The following RARB variants were observed in gnomAD, a reference collection of about 807,000 sequenced individuals.
The protein encoded by RARB is HBV-activated protein.
In RARB, 17 loss-of-function variants were observed where a neutral mutation model predicts 51.9. The ratio of observed to expected loss-of-function variants is 0.33; its 90% CI spans 0.22 to 0.49. RARB has a LOEUF of 0.49. RARB is among the 20% of genes least tolerant of loss of function. The pLI is 0.99. For missense variants in RARB, 369 were observed against 550.8 expected, an observed-to-expected ratio of 0.67 and a Z score of 3.30; for synonymous variants, 215 against 195.4, an observed-to-expected ratio of 1.10 and a Z score of -0.84.
chr3:25,484,711 G>C (rs2125585496), intron 2 of RARB, among the ~76,000 whole-genome samples: 1 of 152,256 alleles, frequency 6.6e-6, no homozygotes, highest in East Asian at 1.9e-4. Flanking sequence ...TGGTAGAGTT[G>C]AGTATTTGCA....
intron 2 of RARB, among the ~76,000 whole-genome samples, chr3:24,884,086 C>A (rs192259768): frequency 2.4e-4 from 36 of 152,226 alleles, no homozygotes; most frequent in South Asian, 6.2e-4. Context: ...TCATTTACAG[C>A]AAGCCACATA....
intron 2 of RARB, among the ~76,000 whole-genome samples, chr3:25,490,119 T>C (rs888789893): frequency 1.3e-5 from 2 of 152,234 alleles, no homozygotes; most frequent in African/African-American, 4.8e-5. Flanking sequence ...TGTAAATGCC[T>C]GACTAGCTTT....
chr3:25,110,518 A>T (rs779358551), intron 3 of RARB, among the ~76,000 whole-genome samples: 6 of 152,198 alleles, frequency 3.9e-5, no homozygotes, highest in Non-Finnish European at 7.3e-5. Flanking sequence ...ATTTTAGAGC[A>T]AATTTTGTTT....
intron 3 of RARB, among the ~76,000 whole-genome samples, chr3:25,101,037 G>A (rs1193512501): frequency 6.6e-6 from 1 of 152,148 alleles, no homozygotes; most frequent in Admixed American, 6.6e-5. Context: ...AGGGGTAGTT[G>A]GAGGTGATTA....
At chr3:25,403,160 C>CAAA (rs532977113) in intron 5 of RARB, among the ~76,000 whole-genome samples, 8,993 of 86,154 alleles carry the variant, frequency 0.1, 428 homozygotes, top group African/African-American at 0.18. Flanking sequence ...GACTGCATCT[C>CAAA]AAAAAAAAAA....
chr3:25,057,484 A>G (rs1357451281), intron 2 of RARB, among the ~76,000 whole-genome samples: 3 of 152,088 alleles, frequency 2.0e-5, no homozygotes, highest in Non-Finnish European at 4.4e-5. Flanking sequence ...AAAAATAGAT[A>G]GAAAAATAAA....
intron 3 of RARB, among the ~76,000 whole-genome samples, chr3:25,120,117 G>C (rs1033984702): frequency 1.3e-5 from 2 of 152,118 alleles, no homozygotes; most frequent in African/African-American, 4.8e-5. Flanking sequence ...TGAAGGACTT[G>C]TGGTCTCAAT....
intron 5 of RARB, among the ~76,000 whole-genome samples, chr3:25,182,548 C>T (rs1013112173): frequency 1.3e-5 from 2 of 152,140 alleles, no homozygotes; most frequent in Non-Finnish European, 2.9e-5. Flanking sequence ...AATGAATTCA[C>T]TCTTCTGATA....
chr3:24,987,229 A>G (rs1412148937), intron 2 of RARB, among the ~76,000 whole-genome samples: 1 of 134,746 alleles, frequency 7.4e-6, no homozygotes, highest in Non-Finnish European at 1.6e-5. Flanking sequence ...TTCAATCTGT[A>G]TTTCAAAATC....
intron 2 of RARB, among the ~76,000 whole-genome samples, chr3:25,021,582 T>A (rs971455416): frequency 5.9e-5 from 9 of 152,142 alleles, no homozygotes; most frequent in African/African-American, 2.2e-4. Flanking sequence ...ATACCTAGTT[T>A]ATTGCAACCA....
intron 3 of RARB, among the ~76,000 whole-genome samples, chr3:25,543,116 G>A (rs1451617527): frequency 6.6e-6 from 1 of 152,146 alleles, no homozygotes; most frequent in Non-Finnish European, 1.5e-5. Context: ...TAAACCTCCT[G>A]CCAAGGGCCT....
intron 5 of RARB, among the ~76,000 whole-genome samples, chr3:25,204,908 G>C (rs1466227479): frequency 6.6e-6 from 1 of 152,186 alleles, no homozygotes; most frequent in African/African-American, 2.4e-5. Flanking sequence ...TTCATTCTCA[G>C]ATCTCAAGCT....
intron 2 of RARB, among the ~76,000 whole-genome samples, chr3:24,934,576 G>A (rs571363750): frequency 6.6e-6 from 1 of 152,118 alleles, no homozygotes; most frequent in East Asian, 1.9e-4. Flanking sequence ...TCCTTTTGTA[G>A]TTTTATGCAT....
rs552424850 is a variant in RARB, at chr3:25,510,346, G to A, written c.448+9023G>A. ...ATCAAATATTCTATAATTACAGGCC[G>A]GGCACAGTGGCCCACACCTGTAATC... is the stretch of plus-strand genomic sequence containing the variant. On this transcript the variant is annotated intron_variant, in intron 3 of 7. Coordinates refer to ENST00000330688, the MANE Select transcript of RARB (RefSeq NM_000965.5). Among the ~76,000 whole-genome samples, 25 of 152,234 alleles carry A rather than the reference G, an allele frequency of 1.6e-4. No individual in the cohort carries two copies. The East Asian group carries it at 2.5e-3, about 15-fold the overall frequency.
chr3:25,170,723 A>G (rs934922824), intron 4 of RARB, among the ~76,000 whole-genome samples: 1 of 152,240 alleles, frequency 6.6e-6, no homozygotes, highest in South Asian at 2.1e-4. Context: ...AAATGTTTTC[A>G]TAGAACAAAA....
intron 3 of RARB, among the ~76,000 whole-genome samples, chr3:25,535,411 C>CTTTTTT (rs3074714): frequency 1.4e-5 from 2 of 138,286 alleles, no homozygotes; most frequent in Admixed American, 7.3e-5. Flanking sequence ...GTCCTTATCT[C>CTTTTTT]TTTTTTTTTT....
In RARB at chr3:25,567,319, GC is replaced by G. The variant is rs1185048444; in HGVS notation, c.449-2434del. 3.3e-5 allele frequency among the ~76,000 whole-genome samples: 5 copies of G among 152,144 alleles called. No homozygotes were observed. In the East Asian group the frequency reaches 7.7e-4, roughly 24 times the overall value. On this transcript the variant is annotated intron_variant, in intron 3 of 7. Transcript: ENST00000330688. ...CCCGATCCTCCCTCCCCACCAACTT[GC>G]CCCCGTACCTGACAGCCACGAGTCT...
At chr3:25,198,094 G>T (rs938007214) in intron 5 of RARB, among the ~76,000 whole-genome samples, 1 of 152,036 alleles carries the variant, frequency 6.6e-6, no homozygotes, top group African/African-American at 2.4e-5. Flanking sequence ...CTATGGAACA[G>T]AATAGAGAAT....
At chr3:25,215,607 G>C (rs1701816024) in intron 5 of RARB, among the ~76,000 whole-genome samples, 1 of 152,156 alleles carries the variant, frequency 6.6e-6, no homozygotes, top group African/African-American at 2.4e-5. Context: ...GGAACTTCAT[G>C]GGACCACCAG....
Sources: allele counts gnomAD v4.1 joint callset (sites outside exome capture counted in the v4.1 genomes callset), GRCh38; gene constraint gnomAD v4.1.1; transcripts MANE v1.5; gene names NCBI Gene and HGNC (gene_info 2026-07-23, HGNC 2026-07-21).